RBBP8: variants seen among roughly 807,000 people sequenced by gnomAD.
RBBP8 encodes the protein DNA endonuclease RBBP8.
A neutral mutation model predicts 108.3 loss-of-function variants in RBBP8; 88 were observed. The ratio of observed to expected loss-of-function variants is 0.81; its 90% CI spans 0.68 to 0.97. The LOEUF is 0.97. Ranked by LOEUF, RBBP8 falls within the 50% of genes least tolerant of loss-of-function variation. RBBP8 has a pLI of 0.00. For synonymous variants in RBBP8, 332 were observed against 348.2 expected (o/e 0.95, Z 0.52); for missense variants, 1,023 against 1,049.0 (o/e 0.98, Z 0.34).
rs920204209 is a variant in RBBP8, at chr18:23,012,460, G to C, written c.2358-4368G>C. 2.0e-5 allele frequency among the ~76,000 whole-genome samples: 3 copies of C among 152,280 alleles called. No homozygotes were observed. The East Asian group carries it at 5.8e-4, about 29-fold the overall frequency. On this transcript the variant is annotated intron_variant, in intron 16 of 18. Transcript: ENST00000327155. ...GTGAACACATCAATGGTAAGAAAGTGAAACAGACTCACTGCTGACATGGAG... is the reference window on the plus strand; with the variant it reads ...GTGAACACATCAATGGTAAGAAAGTCAAACAGACTCACTGCTGACATGGAG...
At chr18:22,964,889 A>G (rs1264817263) in intron 4 of RBBP8, among the ~76,000 whole-genome samples, 5 of 152,060 alleles carry the variant, frequency 3.3e-5, no homozygotes, top group African/African-American at 1.2e-4. Context: ...ATCATTTCTT[A>G]CCTCTAGAAT....
chr18:22,936,229 G>A (rs2144393130), intron 1 of RBBP8, among the ~76,000 whole-genome samples: 1 of 152,180 alleles, frequency 6.6e-6, no homozygotes, highest in Non-Finnish European at 1.5e-5. Flanking sequence ...AACCTCCTGA[G>A]TAGCTGGGGC....
At chr18:23,006,509 CTTT>C in intron 16 of RBBP8, 77 bp downstream of exon 16, 1 of 1,266,774 alleles carries the variant, frequency 7.9e-7, no homozygotes, top group Non-Finnish European at 1.1e-6. Flanking sequence ...TCTCTTTTTT[CTTT>C]TTTTTTAAAG....
Position 22,993,541 on chromosome 18 carries a change from AAAC to A in RBBP8, c.1715_1717del (p.Lys572_Pro573delinsThr). 1 of 1,613,500 alleles carries A rather than the reference AAAC, an allele frequency of 6.2e-7. No individual in the cohort carries two copies. Among genetic ancestry groups the A allele is most frequent in the South Asian group, 1.1e-5 (1 of 90,960 alleles). On this transcript the variant is annotated inframe_deletion, in exon 11 of 19. Transcript: ENST00000327155. Reference sequence around the variant, plus strand: ...CTTGAATAAATGCTCTCCAGACAATAAACCATCATTACAAATAAAAGAAGAAAA... The same window carrying A: ...CTTGAATAAATGCTCTCCAGACAATACATCATTACAAATAAAAGAAGAAAA...
chr18:23,007,460 T>A (rs2046074230), intron 16 of RBBP8, among the ~76,000 whole-genome samples: 1 of 151,846 alleles, frequency 6.6e-6, no homozygotes, highest in Non-Finnish European at 1.5e-5. Context: ...ATCCCAGCAC[T>A]TTGGGAGGCC....
intron 5 of RBBP8, among the ~76,000 whole-genome samples, chr18:22,969,392 G>T (rs114518521): frequency 6.6e-6 from 1 of 151,604 alleles, no homozygotes; most frequent in Non-Finnish European, 1.5e-5. Flanking sequence ...ATTCTTAGCC[G>T]CCTTCTTTTA....
chr18:22,982,597 A>T (rs552397933), intron 7 of RBBP8, among the ~76,000 whole-genome samples: 2 of 152,338 alleles, frequency 1.3e-5, no homozygotes, highest in East Asian at 3.9e-4. Context: ...CATCTATATG[A>T]CATGTAAATA....
At chr18:22,983,115 A>G (rs1374486885) in intron 7 of RBBP8, among the ~76,000 whole-genome samples, 1 of 152,228 alleles carries the variant, frequency 6.6e-6, no homozygotes, top group Non-Finnish European at 1.5e-5. Flanking sequence ...TTTCTGCTAA[A>G]TGCTTTAAAA....
At chr18:22,989,125 T>G in intron 8 of RBBP8, 96 bp from the exon 9 acceptor site, 1 of 876,522 alleles carries the variant, frequency 1.1e-6, no homozygotes, top group Non-Finnish European at 1.8e-6. Flanking sequence ...GTGTGAGCCT[T>G]TTCCTTCATC....
intron 10 of RBBP8, among the ~76,000 whole-genome samples, chr18:22,991,533 A>T (rs1454864102): frequency 6.6e-6 from 1 of 152,224 alleles, no homozygotes; most frequent in Non-Finnish European, 1.5e-5. Context: ...AAGATGCTCA[A>T]GTCCGTTACA....
chr18:22,990,398 T>C (rs1484771167), intron 9 of RBBP8, among the ~76,000 whole-genome samples: 1 of 152,224 alleles, frequency 6.6e-6, no homozygotes, highest in Non-Finnish European at 1.5e-5. Context: ...TGAATAGTTA[T>C]CTCTATTCCC....
chr18:22,964,424 G>C (rs1464989548), intron 4 of RBBP8, among the ~76,000 whole-genome samples: 2 of 126,666 alleles, frequency 1.6e-5, no homozygotes, highest in African/African-American at 5.7e-5. Flanking sequence ...CCATGTTCTT[G>C]ATTTTCTTCA....
In RBBP8 at chr18:22,952,598, T is replaced by C. The variant is rs186589024; in HGVS notation, c.248+2885T>C. Among the ~76,000 whole-genome samples the C allele has an allele frequency of 3.6e-3, 547 of 152,290 alleles. 3 individuals carry two copies. Among genetic ancestry groups the C allele is most frequent in the African/African-American group, 0.013 (533 of 41,556 alleles). ...AAGATGATTCCAACTTTTAGCACTC[T>C]AATCTGTGTTATATAACACAGCCAT... On this transcript the variant is annotated intron_variant, in intron 4 of 18. Coordinates refer to ENST00000327155, the MANE Select transcript of RBBP8 (RefSeq NM_002894.3).
chr18:22,959,432 T>G (rs960331323), intron 4 of RBBP8, among the ~76,000 whole-genome samples: 12 of 152,194 alleles, frequency 7.9e-5, no homozygotes, highest in African/African-American at 2.9e-4. Context: ...TGTGTGTGTT[T>G]CCTTCATTGC....
intron 2 of RBBP8, among the ~76,000 whole-genome samples, chr18:22,937,865 G>A (rs567512959): frequency 6.7e-6 from 1 of 150,322 alleles, no homozygotes; most frequent in Non-Finnish European, 1.5e-5. Flanking sequence ...TCACTCCGTT[G>A]CCCAGGCTGG....
intron 4 of RBBP8, among the ~76,000 whole-genome samples, chr18:22,966,702 A>C (rs1342403438): frequency 6.7e-6 from 1 of 148,854 alleles, no homozygotes; most frequent in African/African-American, 2.5e-5. Context: ...TTCCACAGAC[A>C]CTTAAATACT....
At chr18:22,990,521 T>C (rs1915607416) in intron 9 of RBBP8, among the ~76,000 whole-genome samples, 2 of 152,206 alleles carry the variant, frequency 1.3e-5, no homozygotes, top group Non-Finnish European at 2.9e-5. Flanking sequence ...GTGCTTCATA[T>C]TTTTCATTGT....
chr18:22,954,724 C>T (rs1209944358), intron 4 of RBBP8, among the ~76,000 whole-genome samples: 1 of 152,112 alleles, frequency 6.6e-6, no homozygotes, highest in African/African-American at 2.4e-5. Flanking sequence ...CCAACATTTC[C>T]CTCCCACACA....
At chr18:22,922,696 C>T (rs1909642764) in intron 3 of RBBP8, among the ~76,000 whole-genome samples, 1 of 152,158 alleles carries the variant, frequency 6.6e-6, no homozygotes, top group South Asian at 2.1e-4. Flanking sequence ...AACTCCTGGG[C>T]TCAAGCAATC....
Sources: allele counts gnomAD v4.1 joint callset (sites outside exome capture counted in the v4.1 genomes callset), GRCh38; gene constraint gnomAD v4.1.1; transcripts MANE v1.5; gene names NCBI Gene and HGNC (gene_info 2026-07-23, HGNC 2026-07-21).